The following RIN2 variants were observed in gnomAD, a reference collection of about 807,000 sequenced individuals.
RIN2 encodes the protein RAB5 interacting protein 2.
In RIN2, 36 loss-of-function variants were observed where a neutral mutation model predicts 78.0. The observed-to-expected ratio is 0.46, with a 90% CI of 0.35 to 0.61. RIN2 has a LOEUF of 0.61. RIN2 is among the 20% of genes least tolerant of loss of function. RIN2 has a pLI of 0.00. For synonymous variants in RIN2, 466 were observed against 466.8 expected, an observed-to-expected ratio of 1.00 and a Z score of 0.02; for missense variants, 1,087 against 1,159.7, an observed-to-expected ratio of 0.94 and a Z score of 0.91.
intron 7 of RIN2, among the ~76,000 whole-genome samples, chr20:19,969,407 C>T (rs1392359138): frequency 6.6e-6 from 1 of 152,152 alleles, no homozygotes; most frequent in East Asian, 1.9e-4. Context: ...GCTGCTCACT[C>T]TGCCTGGAAG....
chr20:19,842,941 G>A (rs907547451), intron 2 of RIN2, among the ~76,000 whole-genome samples: 1 of 151,890 alleles, frequency 6.6e-6, no homozygotes, highest in African/African-American at 2.4e-5. Flanking sequence ...AGTATAAATT[G>A]GAGTTTGGAA....
At chr20:19,989,831 G>C (rs1383444792) in intron 9 of RIN2, among the ~76,000 whole-genome samples, 175 bp from the exon 10 acceptor site, 1 of 152,218 alleles carries the variant, frequency 6.6e-6, no homozygotes, top group East Asian at 1.9e-4. Context: ...AGAGAAAAAT[G>C]TTAACATGTG....
intron 2 of RIN2, among the ~76,000 whole-genome samples, chr20:19,876,328 G>C (rs776830406): frequency 4.6e-5 from 7 of 152,028 alleles, no homozygotes; most frequent in Non-Finnish European, 8.8e-5. Context: ...TTTTGCCTTC[G>C]ACTGAAAGAT....
At position 19,889,375 on chromosome 20, in the gene RIN2, C is replaced by A; in HGVS notation, c.-36-191C>A. On this transcript the variant is annotated intron_variant, in intron 2 of 12. Transcript: ENST00000255006. ...TGGGAGGTGGGCTGGCGAGGTGGGGCAGTCTAGGAACTGCGCTGGTGGGGA... is the reference window on the plus strand; with the variant it reads ...TGGGAGGTGGGCTGGCGAGGTGGGGAAGTCTAGGAACTGCGCTGGTGGGGA... 7 of 1,218,840 alleles carry A rather than the reference C, an allele frequency of 5.7e-6. No homozygotes were observed. The Middle Eastern group carries it at 8.9e-4, about 155-fold the overall frequency. The allele number at this position is 1,218,840 out of a possible 1,614,324, so 75.5% of individuals were successfully genotyped here.
chr20:19,960,566 G>A, intron 5 of RIN2, 134 bp from the exon 6 acceptor site: 1 of 698,398 alleles, frequency 1.4e-6, no homozygotes, highest in Non-Finnish European at 2.5e-6. Flanking sequence ...TTCTATGGCA[G>A]GAGAGTTTCC....
At chr20:19,974,546 C>A in intron 8 of RIN2, 108 bp from the exon 9 acceptor site, 1 of 1,117,840 alleles carries the variant, frequency 8.9e-7, no homozygotes, top group Non-Finnish European at 1.3e-6. Context: ...CCCCCTACCC[C>A]ACCCCGCAAG....
chr20:19,927,574 C>G (rs761585263), intron 3 of RIN2, among the ~76,000 whole-genome samples: 5 of 152,108 alleles, frequency 3.3e-5, no homozygotes, highest in Non-Finnish European at 7.4e-5. Flanking sequence ...GCCGCCATGC[C>G]CAACTAATTT....
intron 2 of RIN2, among the ~76,000 whole-genome samples, chr20:19,853,056 C>T (rs1408810353): frequency 1.4e-5 from 2 of 142,722 alleles, no homozygotes; most frequent in East Asian, 2.1e-4. Flanking sequence ...TGACAGGCCC[C>T]AGTGTGTGAT....
chr20:19,823,745 T>C, intron 2 of RIN2: 1 of 1,592,374 alleles, frequency 6.3e-7, no homozygotes, highest in Non-Finnish European at 8.5e-7. Context: ...TGGGCCTGTC[T>C]GTTCTGAATG....
intron 2 of RIN2, among the ~76,000 whole-genome samples, chr20:19,883,092 C>T (rs955647736): frequency 2.6e-5 from 4 of 152,104 alleles, no homozygotes; most frequent in Admixed American, 6.5e-5. Context: ...AATGACCTTG[C>T]GGGTAGCCAA....
intron 2 of RIN2, among the ~76,000 whole-genome samples, chr20:19,856,889 C>A (rs181617705): frequency 5.3e-4 from 80 of 152,204 alleles, no homozygotes; most frequent in African/African-American, 1.9e-3. Context: ...AGATGAGAGG[C>A]CACTTTTTAT....
At chr20:19,936,120 G>A (rs1036574409) in intron 4 of RIN2, among the ~76,000 whole-genome samples, 1 of 152,194 alleles carries the variant, frequency 6.6e-6, no homozygotes, top group African/African-American at 2.4e-5. Flanking sequence ...ACATCCCAGG[G>A]AGGCACTTGC....
rs776874726 is a variant in RIN2 at position 19,974,898 on chromosome 20, G to A, written c.873G>A (p.Pro291=). The part of the protein sequence containing the change: ...SQDLSGGLKR[P]STRTPNANGT... ...ACCTCAGTGGAGGCCTGAAACGGCC[G>A]AGCACAAGGACTCCCAACGCGAATG... is the stretch of plus-strand genomic sequence containing the variant. Residue 291 remains proline (P), a synonymous_variant, in exon 9 of 13, where the codon CCG becomes CCA. Transcript: ENST00000255006. 4 of 1,613,720 alleles carry A rather than the reference G, an allele frequency of 2.5e-6. No homozygotes were observed. In the African/African-American group the frequency reaches 4.0e-5, roughly 16 times the overall value.
chr20:19,850,986 G>T (rs902943842), intron 2 of RIN2, among the ~76,000 whole-genome samples: 24 of 117,420 alleles, frequency 2.0e-4, no homozygotes, highest in African/African-American at 6.4e-4. Context: ...AAAAGAAAGG[G>T]AGAAAAGGAA....
In RIN2 at chr20:19,960,747, C is replaced by T. The variant is rs1287776833; in HGVS notation, c.399C>T (p.Ser133=). The T allele has an allele frequency of 1.9e-6, 3 of 1,605,382 alleles. No individual in the cohort carries two copies. The Middle Eastern group carries it at 5.0e-4, about 265-fold the overall frequency. The change falls in exon 6 of 13, where the codon TCC becomes TCT. Residue 133 remains serine (S), a synonymous_variant. Coordinates refer to ENST00000255006, the MANE Select transcript of RIN2 (RefSeq NM_018993.4). ...KSTKMQKKVL[S]LRLPCEFGAP... ...CCAAGATGCAGAAGAAAGTCCTCTC[C>T]CTCCGCCTGCCCTGTGAATTTGGGG...
chr20:19,851,327 G>A (rs979891607), intron 2 of RIN2, among the ~76,000 whole-genome samples: 1 of 152,092 alleles, frequency 6.6e-6, no homozygotes, highest in Non-Finnish European at 1.5e-5. Context: ...CAGTGTCAGG[G>A]GTTCCAGACA....
chr20:19,770,439 G>A (rs1004964227), intron 1 of RIN2, among the ~76,000 whole-genome samples: 1 of 152,160 alleles, frequency 6.6e-6, no homozygotes, highest in African/African-American at 2.4e-5. Flanking sequence ...CAAGGAGAAA[G>A]CCCTCTGACC....
At chr20:19,850,115 C>T (rs2036913750) in intron 2 of RIN2, among the ~76,000 whole-genome samples, 1 of 152,192 alleles carries the variant, frequency 6.6e-6, no homozygotes, top group African/African-American at 2.4e-5. Context: ...AAAAATGTGT[C>T]CTGAGGACAA....
chr20:19,965,047 G>A, intron 7 of RIN2, 23 bp downstream of exon 7: 2 of 1,587,260 alleles, frequency 1.3e-6, no homozygotes, highest in Non-Finnish European at 1.7e-6. Flanking sequence ...CCTCTCATAT[G>A]GTTTCAAGGC....
Sources: gnomAD v4.1 joint callset for allele counts (sites outside exome capture counted in the v4.1 genomes callset) on GRCh38, gnomAD v4.1.1 for gene constraint, MANE v1.5 for transcripts, NCBI Gene and HGNC (gene_info 2026-07-23, HGNC 2026-07-21) for gene names.